PAOX: variants seen among roughly 807,000 people sequenced by gnomAD.
PAOX encodes the protein polyamine oxidase.
Under a neutral mutation model 39.0 loss-of-function variants are expected in PAOX, and 38 were observed. The ratio of observed to expected loss-of-function variants is 0.97; its 90% CI spans 0.75 to 1.28. The LOEUF is 1.28. PAOX is among the 50% of genes most tolerant of loss of function. PAOX has a pLI of 0.00. For missense variants in PAOX, 667 were observed against 685.7 expected, an observed-to-expected ratio of 0.97 and a Z score of 0.30; for synonymous variants, 311 against 314.4, an observed-to-expected ratio of 0.99 and a Z score of 0.11.
intron 4 of PAOX, among the ~76,000 whole-genome samples, chr10:133,387,643 T>C (rs1299511823): frequency 2.6e-5 from 4 of 152,238 alleles, no homozygotes; most frequent in Admixed American, 2.6e-4. Flanking sequence ...TGGAATAGCG[T>C]GTGCTAGGTG....
intron 6 of PAOX, among the ~76,000 whole-genome samples, chr10:133,390,640 A>G (rs2133480490): frequency 6.6e-6 from 1 of 152,322 alleles, no homozygotes; most frequent in Non-Finnish European, 1.5e-5. Context: ...ATTAATAATC[A>G]TTCCTCAATA....
rs532508384 is a variant in PAOX, at chr10:133,384,863, C to A, written c.1121+651C>A. 1.8e-4 allele frequency among the ~76,000 whole-genome samples: 28 copies of A among 152,122 alleles called. No individual in the cohort carries two copies. Among genetic ancestry groups the A allele is most frequent in the Non-Finnish European group, 3.8e-4 (26 of 68,036 alleles). On this transcript the variant is annotated intron_variant, in intron 4 of 6. Coordinates refer to ENST00000278060, the MANE Select transcript of PAOX (RefSeq NM_152911.4). The surrounding 1 kb of genome is among the most constrained non-coding windows in gnomAD (Gnocchi z 4.3). ...CACCAAGTTCTTGTTCTGAAAGACC[C>A]GGGATGGGGTGGGATGTAGGGCATG... is the stretch of plus-strand genomic sequence containing the variant.
At chr10:133,381,032 G>A (rs1849354746) in intron 2 of PAOX, among the ~76,000 whole-genome samples, 1 of 152,232 alleles carries the variant, frequency 6.6e-6, no homozygotes, top group Non-Finnish European at 1.5e-5. Context: ...TATTTATGAG[G>A]GGCTTCAACT....
At chr10:133,390,009 T>G (rs1849632409) in intron 6 of PAOX, among the ~76,000 whole-genome samples, 1 of 152,342 alleles carries the variant, frequency 6.6e-6, no homozygotes, top group South Asian at 2.1e-4. Flanking sequence ...CTTTTGCCCT[T>G]CTCAGACGGT....
rs540176296 is a variant in PAOX at position 133,382,421 on chromosome 10, C to T, written c.868+762C>T. ...CTCCAAGGGGTGGCTTTGCCCTCCC[C>T]GGGGCAGGGATGAGCACTGAGACCC... is the stretch of plus-strand genomic sequence containing the variant. On this transcript the variant is annotated intron_variant, in intron 3 of 6. Coordinates refer to ENST00000278060, the MANE Select transcript of PAOX (RefSeq NM_152911.4). Among the ~76,000 whole-genome samples the T allele has an allele frequency of 4.3e-4, 66 of 152,286 alleles. No homozygotes were observed. The South Asian group carries it at 0.013, about 31-fold the overall frequency.
chr10:133,384,116 T>C lies in PAOX; in HGVS notation c.1025T>C (p.Val342Ala), dbSNP rs938674700. 4.3e-6 allele frequency: 7 copies of C among 1,614,086 alleles called. 1 individual carries two copies. The South Asian group carries it at 7.7e-5, about 18-fold the overall frequency. Residue 342 changes from valine (V) to alanine (A), a missense_variant, in exon 4 of 7, where the codon GTG (valine) becomes GCG (alanine). Physicochemically the swap from Val to Ala is moderately conservative, Grantham distance 64 (BLOSUM62 0). Transcript: ENST00000278060. This position sits in a 1 kb window ranked among gnomAD's most constrained non-coding sequence, Gnocchi z 4.3. ...CCAGACTGCCAGCTGATCCAGCTGG[T>C]GTGGGAGGACACGTCGCCCCTGGAG... is the stretch of plus-strand genomic sequence containing the variant. ...WEPDCQLIQL[V>A]WEDTSPLEDA...
intron 3 of PAOX, 106 bp from the exon 4 acceptor site, chr10:133,383,854 T>C: frequency 7.2e-7 from 1 of 1,390,076 alleles, no homozygotes; most frequent in Non-Finnish European, 9.8e-7. Flanking sequence ...AATGTGTCTG[T>C]AGGATAAACA....
intron 3 of PAOX, among the ~76,000 whole-genome samples, chr10:133,383,494 T>G (rs1192075511): frequency 6.6e-6 from 1 of 151,318 alleles, no homozygotes; most frequent in African/African-American, 2.4e-5. Flanking sequence ...TCCCAGCTAT[T>G]TGGGAAGCTG....
intron 4 of PAOX, among the ~76,000 whole-genome samples, chr10:133,385,614 C>T (rs935986563): frequency 9.9e-5 from 15 of 152,274 alleles, no homozygotes; most frequent in South Asian, 2.1e-4. Flanking sequence ...GATGGAGTCT[C>T]GCTCTGTCCC....
intron 3 of PAOX, among the ~76,000 whole-genome samples, chr10:133,383,601 T>C (rs1208015452): frequency 5.4e-5 from 1 of 18,580 alleles, no homozygotes; most frequent in East Asian, 1.8e-3. Context: ...AGAATCCATC[T>C]CAAAAAAAAA....
intron 4 of PAOX, among the ~76,000 whole-genome samples, chr10:133,387,213 A>T (rs551163635): frequency 6.6e-6 from 1 of 152,232 alleles, no homozygotes; most frequent in Non-Finnish European, 1.5e-5. Flanking sequence ...CAGGAGGCGG[A>T]GGTTGCAGTG....
intron 3 of PAOX, among the ~76,000 whole-genome samples, chr10:133,383,602 CAAAA>C (rs61031143): frequency 2.1e-4 from 26 of 122,234 alleles, no homozygotes; most frequent in Non-Finnish European, 2.6e-4. Context: ...GAATCCATCT[CAAAA>C]AAAAAAAAAA....
Position 133,379,339 on chromosome 10 carries a change from G to A in PAOX, c.23G>A (p.Gly8Glu), listed in dbSNP as rs1849282295. 1 of 1,218,122 alleles carries A rather than the reference G, an allele frequency of 8.2e-7. No homozygotes were observed. The highest frequency in any genetic ancestry group is 4.3e-5 in the Admixed American group (1 of 23,134). 75.5% of individuals were successfully genotyped at this position (1,218,122 alleles called of 1,614,324 possible). A position where few individuals can be genotyped will look rare whatever the true frequency, so the allele number is the denominator to read the frequency against. Residue 8 changes from glycine to glutamate, a missense_variant, in exon 1 of 7, where the codon GGG becomes GAG. Transcript: ENST00000278060. Reference sequence around the variant, plus strand: ...GCGATGGAGTCGACCGGCAGCGTCGGGGAGGCCCCGGGCGGACCCCGGGTG... The same window carrying A: ...GCGATGGAGTCGACCGGCAGCGTCGAGGAGGCCCCGGGCGGACCCCGGGTG... The part of the protein sequence containing the change: MESTGSV[G>E]EAPGGPRVLV...
At chr10:133,381,167 A>G (rs779566922) in intron 2 of PAOX, among the ~76,000 whole-genome samples, 15 of 152,228 alleles carry the variant, frequency 9.9e-5, no homozygotes, top group South Asian at 4.1e-4. Flanking sequence ...TGGCCAGGCA[A>G]TGGGCATTTG....
At chr10:133,387,459 C>A (rs1178625092) in intron 4 of PAOX, among the ~76,000 whole-genome samples, 1 of 152,152 alleles carries the variant, frequency 6.6e-6, no homozygotes, top group Non-Finnish European at 1.5e-5. Flanking sequence ...GCAGTTTTTG[C>A]TTGAGAGCTT....
At chr10:133,388,611 G>A (rs549562466) in intron 4 of PAOX, among the ~76,000 whole-genome samples, 2 of 152,350 alleles carry the variant, frequency 1.3e-5, no homozygotes, top group African/African-American at 4.8e-5. Context: ...CGGCGTGGTG[G>A]AAACAGCAAA....
At chr10:133,388,794 C>T (rs1309835470) in intron 4 of PAOX, among the ~76,000 whole-genome samples, 162 bp from the exon 5 acceptor site, 4 of 152,186 alleles carry the variant, frequency 2.6e-5, no homozygotes, top group African/African-American at 4.8e-5. Flanking sequence ...TGCTGAGAAA[C>T]GCGGGCGGAG....
At position 133,380,208 on chromosome 10, in the gene PAOX, G is replaced by A. The variant is rs747097476; in HGVS notation, c.391G>A (p.Ala131Thr). The change falls in exon 2 of 7, where the codon GCG (alanine) becomes ACG (threonine). Residue 131 changes from alanine to threonine, a missense_variant. Ala to Thr is a moderately conservative substitution (Grantham distance 58). Coordinates refer to ENST00000278060, the MANE Select transcript of PAOX (RefSeq NM_152911.4). ...SVSLQLVAEM[A>T]TLFYGLIDQT... The stretch of plus-strand genomic sequence containing the variant: ...GAGCCTCCAGCTGGTGGCGGAGATG[G>A]CGACTCTGTTCTACGGCCTGATAGA... 25 of 1,612,658 alleles carry A rather than the reference G, an allele frequency of 1.6e-5. No homozygotes were observed. In the South Asian group the frequency reaches 1.8e-4, roughly 11 times the overall value.
chr10:133,389,636 G>C lies in PAOX; in HGVS notation c.1281G>C (p.Trp427Cys), dbSNP rs755586676. Reference sequence around the variant, plus strand: ...CCAAGAGCGTCCTGCGGTCTCGCTGGCACAGCGCCCCGTACACTAGGGGGT... The same window carrying C: ...CCAAGAGCGTCCTGCGGTCTCGCTGCCACAGCGCCCCGTACACTAGGGGGT... ...PAPKSVLRSR[W>C]HSAPYTRGSY... The change falls in exon 6 of 7, where the codon TGG becomes TGC. Residue 427 changes from tryptophan (W) to cysteine (C), a missense_variant. Physicochemically the swap from Trp to Cys is radical, Grantham distance 215. Transcript: ENST00000278060. 4 of 1,613,484 alleles carry C rather than the reference G, an allele frequency of 2.5e-6. No individual in the cohort carries two copies. The highest frequency in any genetic ancestry group is 3.4e-6 in the Non-Finnish European group (4 of 1,179,988).
Sources: gnomAD v4.1 joint callset for allele counts (sites outside exome capture counted in the v4.1 genomes callset) on GRCh38, gnomAD v4.1.1 for gene constraint, Gnocchi (gnomAD v3.1) non-coding constraint, MANE v1.5 for transcripts, NCBI Gene and HGNC (gene_info 2026-07-23, HGNC 2026-07-21) for gene names.